Variants in CCDC7 observed in about 807,000 individuals in gnomAD.
CCDC7 encodes the protein coiled-coil domain containing 7.
CCDC7 carries 183 observed loss-of-function variants against 196.9 expected under a neutral mutation model. The ratio of observed to expected loss-of-function variants is 0.93; its 90% CI spans 0.82 to 1.05. CCDC7 has a LOEUF of 1.05. Ranked by LOEUF, CCDC7 falls within the 50% of genes least tolerant of loss-of-function variation. The probability of loss-of-function intolerance (pLI) is 0.00; values close to 1 mark genes in which losing one functional copy is unlikely to be tolerated. For missense variants in CCDC7, 1,540 were observed against 1,482.2 expected (o/e 1.04, Z -0.64); for synonymous variants, 525 against 484.6 (o/e 1.08, Z -1.10).
chr10:32,763,600 G>A (rs147842376), intron 28 of CCDC7, among the ~76,000 whole-genome samples: 4 of 151,974 alleles, frequency 2.6e-5, no homozygotes, highest in South Asian at 2.1e-4. Flanking sequence ...TGGATGTATC[G>A]ATAAAGAAAT....
At chr10:32,725,017 C>T (rs968806200) in intron 25 of CCDC7, among the ~76,000 whole-genome samples, 3 of 152,190 alleles carry the variant, frequency 2.0e-5, no homozygotes, top group African/African-American at 7.2e-5. Flanking sequence ...CCTTAGAATA[C>T]ACGTATATAT....
At chr10:32,458,223 G>A (rs143494476) in intron 3 of CCDC7, among the ~76,000 whole-genome samples, 1 of 152,108 alleles carries the variant, frequency 6.6e-6, no homozygotes, top group East Asian at 1.9e-4. Context: ...AGATTTTGGG[G>A]TCTAGTTTCA....
intron 9 of CCDC7, chr10:32,512,085 A>G (rs1053223238): frequency 9.1e-6 from 2 of 218,872 alleles, no homozygotes; most frequent in Non-Finnish European, 1.8e-5. Context: ...ATAAATAGGC[A>G]TAGATCTAGA....
At chr10:32,680,888 G>T (rs1386051143) in intron 21 of CCDC7, among the ~76,000 whole-genome samples, 1 of 152,092 alleles carries the variant, frequency 6.6e-6, no homozygotes, top group Non-Finnish European at 1.5e-5. Context: ...GAGAATTTGG[G>T]GAAAATTTCA....
chr10:32,634,039 A>C (rs1176713588), intron 18 of CCDC7, among the ~76,000 whole-genome samples: 1 of 151,910 alleles, frequency 6.6e-6, no homozygotes, highest in Non-Finnish European at 1.5e-5. Context: ...CTTTCTGCCT[A>C]CTTAACATTA....
rs559309865 is a variant in CCDC7, at chr10:32,509,651, A to G, written c.873-8294A>G. Among the ~76,000 whole-genome samples the G allele has an allele frequency of 2.0e-5, 3 of 152,312 alleles. No homozygotes were observed. In the South Asian group the frequency reaches 6.2e-4, roughly 32 times the overall value. ...ATGGGAGAAAATATTTTCAAACTGT[A>G]CATCTGATAATGGGTCAATATAAAA... is the stretch of plus-strand genomic sequence containing the variant. On this transcript the variant is annotated intron_variant, in intron 9 of 41. Transcript: ENST00000639629.
chr10:32,522,039 G>C (rs886938873), intron 11 of CCDC7, among the ~76,000 whole-genome samples: 3 of 152,042 alleles, frequency 2.0e-5, no homozygotes, highest in Admixed American at 2.0e-4. Context: ...ACTTGGTCAT[G>C]ATGAATGATC....
chr10:32,778,106 A>G (rs1241282642), intron 28 of CCDC7, among the ~76,000 whole-genome samples: 1 of 152,118 alleles, frequency 6.6e-6, no homozygotes. Flanking sequence ...TGCATAGTTC[A>G]TGGATATTTT....
chr10:32,761,184 G>T (rs2077410587), intron 28 of CCDC7, among the ~76,000 whole-genome samples: 1 of 151,988 alleles, frequency 6.6e-6, no homozygotes, highest in Non-Finnish European at 1.5e-5. Flanking sequence ...TAATACAGAA[G>T]AGGGAATACA....
At chr10:32,709,844 C>T (rs917037917) in intron 24 of CCDC7, among the ~76,000 whole-genome samples, 3 of 152,092 alleles carry the variant, frequency 2.0e-5, no homozygotes, top group Non-Finnish European at 4.4e-5. Context: ...CCCTAGAAAT[C>T]TGAGACTTGT....
rs1347176999 is a variant in CCDC7 at position 32,796,302 on chromosome 10, T to C, written c.3014-8713T>C. Among the ~76,000 whole-genome samples, 3 of 152,318 alleles carry C rather than the reference T, an allele frequency of 2.0e-5. No individual in the cohort carries two copies. The South Asian group carries it at 6.2e-4, about 32-fold the overall frequency. On this transcript the variant is annotated intron_variant, in intron 29 of 41. Coordinates refer to ENST00000639629, the Ensembl canonical transcript of CCDC7. The stretch of plus-strand genomic sequence containing the variant: ...AAAGGGAGTAAAGCCAGATTGCTTC[T>C]ATGCCAACATTTTAAAATCAGAAGC...
At chr10:32,488,278 C>T (rs922384823) in intron 8 of CCDC7, among the ~76,000 whole-genome samples, 2 of 152,224 alleles carry the variant, frequency 1.3e-5, no homozygotes, top group Non-Finnish European at 2.9e-5. Flanking sequence ...GCAGGACCCT[C>T]CAAGCCAGGC....
At chr10:32,538,998 T>C (rs1022087927) in intron 11 of CCDC7, among the ~76,000 whole-genome samples, 1 of 152,184 alleles carries the variant, frequency 6.6e-6, no homozygotes, top group Admixed American at 6.5e-5. Context: ...GCTGGCCTCA[T>C]AGAATGAGTT....
At chr10:32,881,985 G>A (rs924715933), downstream of CCDC7, among the ~76,000 whole-genome samples, 4 of 152,174 alleles carry the variant, frequency 2.6e-5, no homozygotes, top group Non-Finnish European at 5.9e-5. Flanking sequence ...TGGGTAACTA[G>A]ATGATTGGAC....
At chr10:32,742,812 G>A (rs1381432396) in intron 28 of CCDC7, among the ~76,000 whole-genome samples, 1 of 152,168 alleles carries the variant, frequency 6.6e-6, no homozygotes, top group African/African-American at 2.4e-5. Flanking sequence ...AAGATTAGGA[G>A]TCCACTCTTA....
intron 20 of CCDC7, among the ~76,000 whole-genome samples, chr10:32,640,954 C>G (rs1373774300): frequency 7.0e-6 from 1 of 143,476 alleles, no homozygotes. Context: ...ATACATGTGC[C>G]ATGCTGGTGC....
intron 20 of CCDC7, among the ~76,000 whole-genome samples, chr10:32,635,869 A>C (rs2065547886): frequency 6.6e-6 from 1 of 151,984 alleles, no homozygotes; most frequent in African/African-American, 2.4e-5. Context: ...AAACACATTT[A>C]GTCTTATTAT....
At chr10:32,695,938 G>C (rs2077656134) in intron 24 of CCDC7, among the ~76,000 whole-genome samples, 1 of 151,954 alleles carries the variant, frequency 6.6e-6, no homozygotes, top group Non-Finnish European at 1.5e-5. Context: ...GGCACACAAT[G>C]CCTTAAGCAA....
intron 24 of CCDC7, among the ~76,000 whole-genome samples, chr10:32,699,791 T>C (rs1214201204): frequency 6.7e-6 from 1 of 149,652 alleles, no homozygotes; most frequent in East Asian, 1.9e-4. Context: ...GATTTGCATT[T>C]CTCTGATGGC....
Sources: gnomAD v4.1 joint callset for allele counts (sites outside exome capture counted in the v4.1 genomes callset) on GRCh38, gnomAD v4.1.1 for gene constraint, MANE v1.5 for transcripts, NCBI Gene and HGNC (gene_info 2026-07-23, HGNC 2026-07-21) for gene names.